FBXW11: variants seen among roughly 807,000 people sequenced by gnomAD.
The protein encoded by FBXW11 is F-box and WD repeat domain containing 11.
FBXW11 carries 19 observed loss-of-function variants against 77.6 expected under a neutral mutation model. The observed-to-expected ratio is 0.24, with a 90% CI of 0.17 to 0.36. The LOEUF (loss-of-function observed/expected upper bound fraction) is 0.36, where lower values mean the gene tolerates loss of function less well. Among genes scored for constraint, FBXW11 ranks in the 10% least tolerant of loss-of-function variants. The pLI is 1.00. For synonymous variants in FBXW11, 235 were observed against 249.4 expected (o/e 0.94, Z 0.54); for missense variants, 334 against 704.2 (o/e 0.47, Z 5.95).
chr5:171,907,694 T>C (rs1760618243), intron 4 of FBXW11, among the ~76,000 whole-genome samples: 2 of 152,258 alleles, frequency 1.3e-5, no homozygotes, highest in South Asian at 2.1e-4. Flanking sequence ...ATTCATTTCA[T>C]GTAATATTCA....
At chr5:171,868,853 A>C in intron 12 of FBXW11, 57 bp from the exon 13 acceptor site, 22 of 1,496,058 alleles carry the variant, frequency 1.5e-5, no homozygotes, top group Middle Eastern at 1.8e-4. Flanking sequence ...CTGATATCTC[A>C]CAATGAGAAA....
At chr5:171,995,474 C>A (rs1391869121) in intron 1 of FBXW11, among the ~76,000 whole-genome samples, 1 of 152,044 alleles carries the variant, frequency 6.6e-6, no homozygotes. Context: ...ATTAAATGGG[C>A]CAGGCGTGAT....
intron 2 of FBXW11, among the ~76,000 whole-genome samples, chr5:171,947,382 G>A (rs1019468403): frequency 2.6e-5 from 4 of 152,114 alleles, no homozygotes; most frequent in Non-Finnish European, 4.4e-5. Flanking sequence ...CTAGAATAAT[G>A]TTTTTGCTAG....
intron 1 of FBXW11, among the ~76,000 whole-genome samples, chr5:171,974,550 TGAAG>T (rs1261453552): frequency 6.6e-6 from 1 of 151,826 alleles, no homozygotes; most frequent in African/African-American, 2.4e-5. Flanking sequence ...ATAAATTTCT[TGAAG>T]CTAAAAAAAA....
At chr5:171,944,762 T>G (rs1300392946) in intron 2 of FBXW11, among the ~76,000 whole-genome samples, 1 of 152,060 alleles carries the variant, frequency 6.6e-6, no homozygotes, top group Non-Finnish European at 1.5e-5. Context: ...TTTGAAGACT[T>G]TCAAATCAAA....
chr5:171,977,554 G>C (rs1164275024), intron 1 of FBXW11: 16 of 448,692 alleles, frequency 3.6e-5, no homozygotes, highest in Admixed American at 4.8e-5. Flanking sequence ...ATACATTTGT[G>C]TATCAGTCCG....
At chr5:171,979,703 A>G (rs1765042332) in intron 1 of FBXW11, among the ~76,000 whole-genome samples, 1 of 152,228 alleles carries the variant, frequency 6.6e-6, no homozygotes, top group Non-Finnish European at 1.5e-5. Context: ...GACTTGTTTG[A>G]AAGCCTTGTT....
At position 171,961,517 on chromosome 5, in the gene FBXW11, G is replaced by C. The variant is rs768963194; in HGVS notation, c.46-3819C>G. 5.3e-5 allele frequency among the ~76,000 whole-genome samples: 8 copies of C among 152,152 alleles called. No homozygotes were observed. In the East Asian group the frequency reaches 1.3e-3, roughly 26 times the overall value. On this transcript the variant is annotated intron_variant, in intron 1 of 13. Coordinates refer to ENST00000517395, the MANE Select transcript of FBXW11 (RefSeq NM_001378974.1). ...GTACCCGCTAGCCAAAACAAGGTAG[G>C]TTCCTCTTAGGTCTTAGATCTAATA...
intron 2 of FBXW11, among the ~76,000 whole-genome samples, chr5:171,945,892 C>G (rs1459787234): frequency 6.6e-6 from 1 of 152,186 alleles, no homozygotes; most frequent in Non-Finnish European, 1.5e-5. Flanking sequence ...AGTGTGGCCT[C>G]CTTCCAATCT....
intron 2 of FBXW11, among the ~76,000 whole-genome samples, chr5:171,939,494 C>G (rs1762638176): frequency 6.6e-6 from 1 of 151,812 alleles, no homozygotes. Flanking sequence ...CCTAGGAGTT[C>G]AAGACCAGCC....
chr5:171,874,583 A>T (rs1022825741), intron 9 of FBXW11, among the ~76,000 whole-genome samples: 6 of 152,062 alleles, frequency 3.9e-5, no homozygotes, highest in Non-Finnish European at 7.4e-5. Flanking sequence ...GCTAGGTATA[A>T]GAGTGCTATC....
At chr5:172,000,107 CG>C (rs1195361429) in intron 1 of FBXW11, among the ~76,000 whole-genome samples, 62 of 151,498 alleles carry the variant, frequency 4.1e-4, no homozygotes, top group African/African-American at 1.4e-3. Flanking sequence ...CCAAGGGTAA[CG>C]AGCACATTCT....
chr5:171,995,445 C>T (rs574427220), intron 1 of FBXW11, among the ~76,000 whole-genome samples: 52 of 152,066 alleles, frequency 3.4e-4, no homozygotes, highest in Middle Eastern at 3.4e-3. Flanking sequence ...ATGGGCTGGG[C>T]GCGGTGGCAT....
rs992862414 is a variant in FBXW11 at position 171,863,549 on chromosome 5, T to A, written c.*578A>T. ...AAATTGGTACAGAAAGGAAGTATAA[T>A]CCCAAAAATATTACTAAAACAATCC... On this transcript the variant is annotated 3_prime_UTR_variant, in exon 14 of 14. Coordinates refer to ENST00000517395, the MANE Select transcript of FBXW11 (RefSeq NM_001378974.1). 1 of 152,566 alleles carries A rather than the reference T, an allele frequency of 6.6e-6. No individual in the cohort carries two copies. Among genetic ancestry groups the A allele is most frequent in the African/African-American group, 2.4e-5 (1 of 41,436 alleles). The allele number at this position is 152,566 out of a possible 1,614,324, so 9.5% of individuals were successfully genotyped here.
chr5:171,952,439 A>ATTTTTTTTTTT (rs1294996297), intron 2 of FBXW11, among the ~76,000 whole-genome samples: 1 of 11,124 alleles, frequency 9.0e-5, no homozygotes, highest in South Asian at 0.014. Context: ...ATATATATAT[A>ATTTTTTTTTTT]TATATATATT....
intron 10 of FBXW11, 85 bp downstream of exon 10, chr5:171,872,787 G>A: frequency 2.1e-6 from 2 of 941,264 alleles, no homozygotes; most frequent in East Asian, 2.4e-5. Flanking sequence ...TTTACCCTGA[G>A]TTGTTTTGAG....
chr5:171,996,227 G>A (rs1212466168), intron 1 of FBXW11, among the ~76,000 whole-genome samples: 2 of 152,040 alleles, frequency 1.3e-5, no homozygotes, highest in Admixed American at 1.3e-4. Flanking sequence ...ATTTTGACCA[G>A]GTATTAACTA....
At chr5:171,899,141 G>A (rs746264780) in intron 5 of FBXW11, 47 bp from the exon 6 acceptor site, 2 of 1,280,434 alleles carry the variant, frequency 1.6e-6, no homozygotes, top group Non-Finnish European at 1.1e-6. Flanking sequence ...ACATAAAAGG[G>A]TGAATTTTAT....
In FBXW11 at chr5:171,956,587, C is replaced by A. The variant is rs531419618; in HGVS notation, c.147+1010G>T. Among the ~76,000 whole-genome samples, 4 of 152,320 alleles carry A rather than the reference C, an allele frequency of 2.6e-5. No individual in the cohort carries two copies. In the South Asian group the frequency reaches 8.3e-4, roughly 32 times the overall value. ...AATATGAAGAACATTTTCCTCCTTC[C>A]TGGCTCCCCAGCTCCATTTAAAAAT... On this transcript the variant is annotated intron_variant, in intron 2 of 13. Coordinates refer to ENST00000517395, the MANE Select transcript of FBXW11 (RefSeq NM_001378974.1).
Sources: gnomAD v4.1 joint callset for allele counts (sites outside exome capture counted in the v4.1 genomes callset) on GRCh38, gnomAD v4.1.1 for gene constraint, MANE v1.5 for transcripts, NCBI Gene and HGNC (gene_info 2026-07-23, HGNC 2026-07-21) for gene names.